The following PDK1 variants were observed in gnomAD, a reference collection of about 807,000 sequenced individuals.
The protein encoded by PDK1 is pyruvate dehydrogenase kinase 1.
PDK1 carries 39 observed loss-of-function variants against 54.2 expected under a neutral mutation model. The ratio of observed to expected loss-of-function variants is 0.72; its 90% CI spans 0.56 to 0.94. PDK1 has a LOEUF of 0.94. Among genes scored for constraint, PDK1 ranks in the 40% least tolerant of loss-of-function variants. PDK1 has a pLI of 0.00. For synonymous variants in PDK1, 221 were observed against 207.1 expected, an observed-to-expected ratio of 1.07 and a Z score of -0.58; for missense variants, 552 against 566.0, an observed-to-expected ratio of 0.98 and a Z score of 0.25.
rs1691094775 is a variant in PDK1, at chr2:172,600,920, G to C, written c.*4951G>C. 1 of 152,074 alleles carries C rather than the reference G, an allele frequency of 6.6e-6. No individual in the cohort carries two copies. Among genetic ancestry groups the C allele is most frequent in the South Asian group, 2.1e-4 (1 of 4,818 alleles). The allele number at this position is 152,074 out of a possible 1,614,324, so 9.4% of individuals were successfully genotyped here. A position where few individuals can be genotyped will look rare whatever the true frequency, so the allele number is the denominator to read the frequency against. ...TCTTGCAGCTGCAGGCATCCCCCCG[G>C]TCTGCTTTTAGCTTCCTTATCTTAG... On this transcript the variant is annotated 3_prime_UTR_variant, in exon 11 of 11. Coordinates refer to ENST00000282077, the MANE Select transcript of PDK1 (RefSeq NM_002610.5).
chr2:172,568,697 G>A (rs774654853), intron 6 of PDK1, 44 bp from the exon 7 acceptor site: 2 of 1,151,326 alleles, frequency 1.7e-6, no homozygotes. Context: ...AATGCTTTAA[G>A]CACATCTCTC....
the PDK1 span, among the ~76,000 whole-genome samples, chr2:172,656,224 A>T: frequency 6.6e-6 from 1 of 152,198 alleles, no homozygotes; most frequent in South Asian, 2.1e-4. Flanking sequence ...GAGCCTCCAT[A>T]TGATAGTGGC....
chr2:172,577,174 A>G (rs532854952), intron 8 of PDK1, among the ~76,000 whole-genome samples: 1 of 152,120 alleles, frequency 6.6e-6, no homozygotes, highest in East Asian at 1.9e-4. Context: ...TTGTGTATTA[A>G]CCTTATATCA....
At chr2:172,655,328 T>G in the PDK1 span, among the ~76,000 whole-genome samples, 1 of 127,920 alleles carries the variant, frequency 7.8e-6, no homozygotes, top group South Asian at 2.6e-4. Flanking sequence ...TGTTCACATT[T>G]CCCAGTGTTG....
At chr2:172,572,661 G>A (rs1283458919) in intron 8 of PDK1, among the ~76,000 whole-genome samples, 7 of 152,198 alleles carry the variant, frequency 4.6e-5, no homozygotes, top group Non-Finnish European at 8.8e-5. Context: ...AGCAGCAGAG[G>A]GTGCGGTGAG....
intron 8 of PDK1, among the ~76,000 whole-genome samples, chr2:172,585,859 T>C (rs11901110): frequency 0.18 from 26,708 of 151,974 alleles, 2,810 homozygotes; most frequent in African/African-American, 0.28. Context: ...GATTGTGTTG[T>C]ATTCATTTTC....
the PDK1 span, among the ~76,000 whole-genome samples, chr2:172,698,870 T>G: frequency 6.3e-3 from 962 of 152,282 alleles, 14 homozygotes; most frequent in African/African-American, 0.022. Context: ...TGTTTTTTGT[T>G]TCTTAGAAGC....
rs1373555034 is a variant in PDK1 at position 172,604,964 on chromosome 2, A to G, written c.*8995A>G. The G allele has an allele frequency of 6.6e-6, 1 of 152,238 alleles. No individual in the cohort carries two copies. The highest frequency in any genetic ancestry group is 1.9e-4 in the East Asian group (1 of 5,204). The allele number at this position is 152,238 out of a possible 1,614,324, so 9.4% of individuals were successfully genotyped here. ...GCAGTAAATGGCTTATTAAGCAAGT[A>G]TAAGATTCAAGATCTCAGCCCCAAA... On this transcript the variant is annotated 3_prime_UTR_variant, in exon 11 of 11. Transcript: ENST00000282077.
the PDK1 span, among the ~76,000 whole-genome samples, chr2:172,655,216 G>A: frequency 7.9e-5 from 12 of 152,192 alleles, no homozygotes; most frequent in African/African-American, 2.4e-4. Context: ...TCTGGATGAG[G>A]CCCATGGGCT....
the PDK1 span, among the ~76,000 whole-genome samples, chr2:172,657,336 T>C: frequency 2.2e-3 from 330 of 151,388 alleles, 2 homozygotes; most frequent in African/African-American, 7.7e-3. Context: ...AGAAGAATTG[T>C]TGATTTTTGG....
chr2:172,629,837 G>C, the PDK1 span, among the ~76,000 whole-genome samples: 1 of 152,144 alleles, frequency 6.6e-6, no homozygotes, highest in African/African-American at 2.4e-5. Flanking sequence ...CCTGGCCTCT[G>C]TACCCTGTCA....
the PDK1 span, among the ~76,000 whole-genome samples, chr2:172,666,730 G>A: frequency 6.6e-6 from 1 of 152,166 alleles, no homozygotes; most frequent in Non-Finnish European, 1.5e-5. Context: ...TAAGGTCAGA[G>A]CAGGTGATAG....
chr2:172,572,910 A>G (rs1168166758), intron 8 of PDK1, among the ~76,000 whole-genome samples: 2 of 152,156 alleles, frequency 1.3e-5, no homozygotes, highest in African/African-American at 4.8e-5. Context: ...GTATAATGTT[A>G]TAGTATGCAT....
chr2:172,688,627 C>A, the PDK1 span, among the ~76,000 whole-genome samples: 1 of 152,082 alleles, frequency 6.6e-6, no homozygotes, highest in Non-Finnish European at 1.5e-5. Context: ...GAGGAGGGAG[C>A]AGGAAGAGGC....
At chr2:172,555,981 C>T, upstream of PDK1, 1 of 439,446 alleles carries the variant, frequency 2.3e-6, no homozygotes, top group Admixed American at 4.5e-5. Flanking sequence ...CCTTCCCGCT[C>T]CGCGTCCCGC....
the PDK1 span, among the ~76,000 whole-genome samples, chr2:172,647,669 T>G: frequency 1.3e-5 from 2 of 152,316 alleles, no homozygotes; most frequent in East Asian, 1.9e-4. Flanking sequence ...GTAAAAGGAA[T>G]GCAGAAAATG....
chr2:172,566,557 GA>G lies in PDK1; in HGVS notation c.692-288del, dbSNP rs775621447. Among the ~76,000 whole-genome samples, 614 of 143,772 alleles carry G rather than the reference GA, an allele frequency of 4.3e-3. 1 individual carries two copies. The highest frequency in any genetic ancestry group is 0.011 in the Middle Eastern group (3 of 284). The allele number at this position is 143,772 out of a possible 152,430, so 94.3% of individuals were successfully genotyped here. A position where few individuals can be genotyped will look rare whatever the true frequency, so the allele number is the denominator to read the frequency against. ...GGTTGATCGAGACTCCGTCTCAAAGGAAAAAAAAAAAGGAAAGGCTTTCCCT... is the reference window on the plus strand; with the variant it reads ...GGTTGATCGAGACTCCGTCTCAAAGGAAAAAAAAAAGGAAAGGCTTTCCCT... On this transcript the variant is annotated intron_variant, in intron 5 of 10. Coordinates refer to ENST00000282077, the MANE Select transcript of PDK1 (RefSeq NM_002610.5).
chr2:172,582,605 C>CA (rs1159122131), intron 8 of PDK1, among the ~76,000 whole-genome samples: 1 of 152,214 alleles, frequency 6.6e-6, no homozygotes, highest in African/African-American at 2.4e-5. Context: ...TCACATCTCT[C>CA]TTTCAATACA....
the PDK1 span, among the ~76,000 whole-genome samples, chr2:172,614,665 A>G: frequency 2.0e-5 from 3 of 152,198 alleles, no homozygotes; most frequent in Admixed American, 6.5e-5. Context: ...AATTGCCTAC[A>G]GAGAGGAGCC....
Sources: gnomAD v4.1 joint callset for allele counts (sites outside exome capture counted in the v4.1 genomes callset) on GRCh38, gnomAD v4.1.1 for gene constraint, MANE v1.5 for transcripts, NCBI Gene and HGNC (gene_info 2026-07-23, HGNC 2026-07-21) for gene names.